The following ABCA13 variants were observed in gnomAD, a reference collection of about 807,000 sequenced individuals.
ABCA13 encodes ATP-binding cassette sub-family A member 13.
ABCA13 carries 476 observed loss-of-function variants against 478.7 expected under a neutral mutation model. That is an observed-to-expected ratio of 0.99 (90% CI 0.92 to 1.07). ABCA13 has a LOEUF of 1.07. ABCA13 is among the 50% of genes least tolerant of loss of function. The pLI, the probability that ABCA13 is intolerant of heterozygous loss-of-function variation, is 0.00. For missense variants in ABCA13, 6,060 were observed against 5,910.6 expected (o/e 1.03, Z -0.83); for synonymous variants, 2,252 against 2,158.9 (o/e 1.04, Z -1.20).
intron 55 of ABCA13, among the ~76,000 whole-genome samples, chr7:48,573,824 T>C (rs997001505): frequency 2.6e-5 from 4 of 152,170 alleles, no homozygotes; most frequent in African/African-American, 9.7e-5. Context: ...AGGCTTGAAC[T>C]CCGAGATCAA....
At chr7:48,178,397 G>A (rs1403204162) in intron 1 of ABCA13, among the ~76,000 whole-genome samples, 1 of 151,990 alleles carries the variant, frequency 6.6e-6, no homozygotes, top group African/African-American at 2.4e-5. Flanking sequence ...AATAGTGGCC[G>A]GGCATGGTGG....
intron 42 of ABCA13, among the ~76,000 whole-genome samples, chr7:48,437,417 A>ATC (rs1280762784): frequency 1.3e-5 from 2 of 152,046 alleles, no homozygotes; most frequent in African/African-American, 4.8e-5. Flanking sequence ...CATAGACTTA[A>ATC]AATGTGTCTC....
At chr7:48,634,280 C>T (rs1344549049) in intron 59 of ABCA13, among the ~76,000 whole-genome samples, 1 of 152,010 alleles carries the variant, frequency 6.6e-6, no homozygotes, top group Admixed American at 6.5e-5. Context: ...TGTGTGATGT[C>T]TTTGGTTTTG....
intron 42 of ABCA13, among the ~76,000 whole-genome samples, chr7:48,444,491 C>G (rs1206491871): frequency 1.3e-5 from 2 of 152,152 alleles, no homozygotes; most frequent in Non-Finnish European, 2.9e-5. Context: ...TTGGGCAAAA[C>G]TTTATTTCTT....
intron 44 of ABCA13, among the ~76,000 whole-genome samples, chr7:48,468,205 G>A (rs148961384): frequency 1.4e-4 from 22 of 152,244 alleles, no homozygotes; most frequent in African/African-American, 5.1e-4. Flanking sequence ...ACAGCAGAAC[G>A]TATTGGACAT....
chr7:48,582,862 C>CGTTT (rs1563466844), intron 56 of ABCA13, among the ~76,000 whole-genome samples: 4 of 152,188 alleles, frequency 2.6e-5, no homozygotes, highest in African/African-American at 9.7e-5. Context: ...CTGCACAAAA[C>CGTTT]TGTGCAGTGT....
chr7:48,322,332 C>T (rs769649346), intron 27 of ABCA13, among the ~76,000 whole-genome samples: 31 of 152,180 alleles, frequency 2.0e-4, no homozygotes, highest in Non-Finnish European at 3.5e-4. Flanking sequence ...TTTCAGTAAC[C>T]TTGTGTATCA....
chr7:48,214,746 G>T (rs1045575436), intron 3 of ABCA13, among the ~76,000 whole-genome samples: 1 of 152,154 alleles, frequency 6.6e-6, no homozygotes, highest in Non-Finnish European at 1.5e-5. Context: ...TAGAACTAAA[G>T]AGAATTAGGA....
At chr7:48,506,884 C>T (rs1417485753) in intron 49 of ABCA13, among the ~76,000 whole-genome samples, 3 of 152,128 alleles carry the variant, frequency 2.0e-5, no homozygotes, top group Non-Finnish European at 4.4e-5. Flanking sequence ...CATGCTTCCA[C>T]CTGTCTTCTC....
intron 59 of ABCA13, among the ~76,000 whole-genome samples, chr7:48,642,334 A>G (rs559348890): frequency 6.6e-6 from 1 of 152,354 alleles, no homozygotes; most frequent in African/African-American, 2.4e-5. Context: ...AGCCTCATTT[A>G]GGGGAAATTT....
At chr7:48,266,026 AT>A (rs1050411293) in intron 15 of ABCA13, among the ~76,000 whole-genome samples, 4 of 151,434 alleles carry the variant, frequency 2.6e-5, no homozygotes, top group Middle Eastern at 3.2e-3. Context: ...TTTCTTTTTA[AT>A]TTTTTTGAAT....
chr7:48,520,049 G>A lies in ABCA13; in HGVS notation c.13806G>A (p.Gln4602=). Residue 4602 remains glutamine (Q), a synonymous_variant, in exon 53 of 62, where the codon CAG becomes CAA. Coordinates refer to ENST00000435803, the MANE Select transcript of ABCA13 (RefSeq NM_152701.5). ...LAIISKAKNL[Q]NIYDVLKWVF... is the part of the protein sequence containing the mutation. ...TTTTTTTCACTGTGCAGAATTTACA[G>A]AATATCTATGATGTCCTCAAGTGGG... The A allele has an allele frequency of 6.2e-7, 1 of 1,608,820 alleles. No homozygotes were observed. The highest frequency in any genetic ancestry group is 8.5e-7 in the Non-Finnish European group (1 of 1,176,808).
chr7:48,418,107 T>C (rs1820277354), intron 41 of ABCA13, among the ~76,000 whole-genome samples: 1 of 152,220 alleles, frequency 6.6e-6, no homozygotes, highest in Non-Finnish European at 1.5e-5. Flanking sequence ...CTTGGTTGCT[T>C]CCAAGTTTTA....
chr7:48,295,557 C>T (rs1011024043), intron 20 of ABCA13, 143 bp from the exon 21 acceptor site: 13 of 1,059,444 alleles, frequency 1.2e-5, no homozygotes, highest in Non-Finnish European at 1.1e-5. Flanking sequence ...TTTCCACAGC[C>T]AAGGGCTCTT....
chr7:48,205,556 T>G (rs1676086392), intron 3 of ABCA13, among the ~76,000 whole-genome samples: 1 of 152,252 alleles, frequency 6.6e-6, no homozygotes, highest in South Asian at 2.1e-4. Flanking sequence ...CTTGCACTTC[T>G]CCTTTAGGGA....
chr7:48,281,542 G>A (rs1797039001), intron 19 of ABCA13, 90 bp downstream of exon 19: 2 of 1,146,368 alleles, frequency 1.7e-6, no homozygotes, highest in Non-Finnish European at 2.5e-6. Context: ...TTGCACTTGA[G>A]TTTCTTTTAG....
rs755804064 is a variant in ABCA13, at chr7:48,528,276, C to T, written c.14285C>T (p.Thr4762Met). The change falls in exon 55 of 62, where the codon ACG becomes ATG. Residue 4762 changes from threonine to methionine, a missense_variant. Around this residue, in one of 3 missense-constraint regions of ABCA13, gnomAD observed 1,627 missense variants for 1,571.0 expected, o/e 1.04. Transcript: ENST00000435803. The part of the protein sequence containing the change: ...LLGVNGAGKS[T>M]TFKMLNGEVS... Reference sequence around the variant, plus strand: ...GGGGTGAATGGAGCTGGGAAGAGCACGACTTTCAAAATGCTGAATGGTGAA... The same window carrying T: ...GGGGTGAATGGAGCTGGGAAGAGCATGACTTTCAAAATGCTGAATGGTGAA... 16 of 1,579,350 alleles carry T rather than the reference C, an allele frequency of 1.0e-5. No individual in the cohort carries two copies. Among genetic ancestry groups the T allele is most frequent in the Admixed American group, 1.8e-5 (1 of 54,970 alleles).
At chr7:48,389,664 T>G (rs1815750018) in intron 37 of ABCA13, among the ~76,000 whole-genome samples, 1 of 152,312 alleles carries the variant, frequency 6.6e-6, no homozygotes, top group Non-Finnish European at 1.5e-5. Flanking sequence ...GTTCTGGTTT[T>G]TGTGTGGTTC....
chr7:48,200,604 G>A (rs577159310), intron 3 of ABCA13, among the ~76,000 whole-genome samples: 208 of 152,220 alleles, frequency 1.4e-3, no homozygotes, highest in African/African-American at 4.9e-3. Flanking sequence ...TTGTCTGGTA[G>A]TGCCCAAGTC....
Sources: gnomAD v4.1 joint callset for allele counts (sites outside exome capture counted in the v4.1 genomes callset) on GRCh38, gnomAD v4.1.1 for gene constraint, gnomAD v4.1.1 regional missense constraint, MANE v1.5 for transcripts, NCBI Gene and HGNC (gene_info 2026-07-23, HGNC 2026-07-21) for gene names.